The following DOCK11 variants were observed in gnomAD, a reference collection of about 807,000 sequenced individuals.
DOCK11 encodes the protein dedicator of cytokinesis protein 11.
A neutral mutation model predicts 169.1 loss-of-function variants in DOCK11; 70 were observed. The ratio of observed to expected loss-of-function variants is 0.41; its 90% CI spans 0.34 to 0.51. The LOEUF is 0.51. DOCK11 is among the 20% of genes least tolerant of loss of function. DOCK11 has a pLI of 0.10. For synonymous variants in DOCK11, 529 were observed against 541.3 expected (o/e 0.98, Z 0.32); for missense variants, 1,166 against 1,538.8 (o/e 0.76, Z 4.05).
chrX:118,636,433 T>A, intron 36 of DOCK11, 21 bp downstream of exon 36: 1 of 862,549 alleles, frequency 1.2e-6, no homozygotes, highest in Non-Finnish European at 1.6e-6. Context: ...TTAATTTATC[T>A]TCATATACTT....
At chrX:118,564,747 C>G (rs1489056877) in intron 7 of DOCK11, among the ~76,000 whole-genome samples, 1 of 104,040 alleles carries the variant, frequency 9.6e-6, no homozygotes, top group Admixed American at 1.1e-4. Flanking sequence ...TTCTTTCCTT[C>G]TTTCCCTTCC....
rs1004843135 is a variant in DOCK11, at chrX:118,643,657, C to T, written c.4398+63C>T. 5 of 1,125,213 alleles carry T rather than the reference C, an allele frequency of 4.4e-6. No homozygotes were observed. In the African/African-American group the frequency reaches 9.2e-5, roughly 21 times the overall value. 92.7% of individuals were successfully genotyped at this position (1,125,213 alleles called of 1,213,427 possible). ...TTCATTGCAAAAAGGAAAGATGGGA[C>T]AATGGGGGTCATTGTGGTGACATAT... On this transcript the variant is annotated intron_variant, in intron 40 of 52. Coordinates refer to ENST00000276202, the MANE Select transcript of DOCK11 (RefSeq NM_144658.4).
chrX:118,580,862 A>G (rs751434934), intron 14 of DOCK11, among the ~76,000 whole-genome samples: 2 of 112,100 alleles, frequency 1.8e-5, no homozygotes, highest in Non-Finnish European at 3.8e-5. Flanking sequence ...TGCTTTGAAA[A>G]TCTATCATAG....
intron 32 of DOCK11, among the ~76,000 whole-genome samples, chrX:118,626,332 A>T (rs2015103820): frequency 9.0e-6 from 1 of 110,867 alleles, no homozygotes; most frequent in African/African-American, 3.3e-5. Context: ...CAGCCTCCCA[A>T]AGTGCTGGAA....
chrX:118,603,377 G>A (rs2014401261), intron 23 of DOCK11, among the ~76,000 whole-genome samples: 2 of 112,280 alleles, frequency 1.8e-5, no homozygotes, highest in African/African-American at 3.2e-5. Flanking sequence ...AGATGGCAAT[G>A]TCTAATTTGC....
chrX:118,500,447 C>A (rs2057568628), intron 1 of DOCK11, among the ~76,000 whole-genome samples: 1 of 111,297 alleles, frequency 9.0e-6, no homozygotes, highest in Non-Finnish European at 1.9e-5. Context: ...CCAGAGGAAG[C>A]TCCGTAAATA....
At chrX:118,563,867 A>G (rs1364967009) in intron 7 of DOCK11, among the ~76,000 whole-genome samples, 1 of 110,051 alleles carries the variant, frequency 9.1e-6, no homozygotes, top group Non-Finnish European at 1.9e-5. Context: ...ATGCCTGGCT[A>G]ATTTTTGTAT....
chrX:118,652,761 T>G (rs1000835656), intron 42 of DOCK11, among the ~76,000 whole-genome samples: 1 of 112,343 alleles, frequency 8.9e-6, no homozygotes, highest in African/African-American at 3.2e-5. Flanking sequence ...GAAGAATCCT[T>G]TGCCAATAGG....
In DOCK11 at chrX:118,571,396, G is replaced by T. The variant is rs770872006; in HGVS notation, c.1036-927G>T. On this transcript the variant is annotated intron_variant, in intron 10 of 52. Transcript: ENST00000276202. ...GACAGGATCTCACTCTGTCACCCAG[G>T]TCGGAGTGCAGTGGCACCATCATAG... Among the ~76,000 whole-genome samples the T allele has an allele frequency of 4.6e-5, 5 of 108,798 alleles. No homozygotes were observed. The East Asian group carries it at 1.4e-3, about 31-fold the overall frequency. 94.5% of individuals were successfully genotyped at this position (108,798 alleles called of 115,157 possible). A position where few individuals can be genotyped will look rare whatever the true frequency, so the allele number is the denominator to read the frequency against.
At chrX:118,646,053 C>CAAAAAAAA (rs754457760) in intron 40 of DOCK11, among the ~76,000 whole-genome samples, 1 of 38,968 alleles carries the variant, frequency 2.6e-5, no homozygotes, top group East Asian at 1.1e-3. Context: ...GAGACTTCGT[C>CAAAAAAAA]AAAAAAAAAA....
intron 23 of DOCK11, among the ~76,000 whole-genome samples, chrX:118,604,666 T>G (rs2147451013): frequency 9.1e-6 from 1 of 110,194 alleles, no homozygotes; most frequent in Admixed American, 9.7e-5. Flanking sequence ...TTCTTCTTTT[T>G]GATGTTTGTA....
chrX:118,533,147 A>G (rs2011641697), intron 1 of DOCK11, among the ~76,000 whole-genome samples: 1 of 110,450 alleles, frequency 9.1e-6, no homozygotes, highest in Non-Finnish European at 1.9e-5. Context: ...GCCCATCACC[A>G]CATCTGGCTA....
intron 44 of DOCK11, among the ~76,000 whole-genome samples, chrX:118,655,924 ATATC>A (rs2016055487): frequency 8.9e-6 from 1 of 112,265 alleles, no homozygotes. Context: ...AGTTAACTGT[ATATC>A]TATCATTTCA....
chrX:118,566,680 T>G, intron 9 of DOCK11, 27 bp downstream of exon 9: 1 of 1,145,950 alleles, frequency 8.7e-7, no homozygotes, highest in Non-Finnish European at 1.2e-6. Context: ...GCAACTTGCC[T>G]TCAACTGAGA....
intron 6 of DOCK11, among the ~76,000 whole-genome samples, chrX:118,557,592 C>T (rs2012742500): frequency 9.3e-6 from 1 of 107,643 alleles, no homozygotes; most frequent in African/African-American, 3.4e-5. Flanking sequence ...GGTGAAACCC[C>T]GTCTCTACTA....
chrX:118,561,321 G>C, intron 6 of DOCK11, 62 bp from the exon 7 acceptor site: 1 of 1,038,367 alleles, frequency 9.6e-7, no homozygotes, highest in Admixed American at 3.4e-5. Context: ...TTAGTTCAGA[G>C]AAACTATTCA....
chrX:118,505,010 C>T (rs1387123579), intron 1 of DOCK11, among the ~76,000 whole-genome samples: 1 of 112,345 alleles, frequency 8.9e-6, no homozygotes, highest in Non-Finnish European at 1.9e-5. Context: ...TGTTGAAAGG[C>T]TTAAATGAGT....
At chrX:118,566,249 T>G in intron 8 of DOCK11, 67 bp downstream of exon 8, 1 of 974,994 alleles carries the variant, frequency 1.0e-6, no homozygotes, top group Non-Finnish European at 1.4e-6. Flanking sequence ...AAATGTCCTC[T>G]GTGCAGGGTG....
At chrX:118,597,981 A>G (rs750694957) in intron 21 of DOCK11, 49 bp from the exon 22 acceptor site, 1 of 967,594 alleles carries the variant, frequency 1.0e-6, no homozygotes, top group Non-Finnish European at 1.4e-6. Flanking sequence ...ATTATATGTT[A>G]TTCATCTATC....
Sources: gnomAD v4.1 joint callset for allele counts (sites outside exome capture counted in the v4.1 genomes callset) on GRCh38, gnomAD v4.1.1 for gene constraint, MANE v1.5 for transcripts, NCBI Gene and HGNC (gene_info 2026-07-23, HGNC 2026-07-21) for gene names.